Variants in ABCA6 observed in about 807,000 individuals in gnomAD.
ABCA6 encodes the protein ATP binding cassette subfamily A member 6.
In ABCA6, 164 loss-of-function variants were observed where a neutral mutation model predicts 191.2. The observed-to-expected ratio is 0.86, with a 90% CI of 0.76 to 0.98. The LOEUF is 0.98. Among genes scored for constraint, ABCA6 ranks in the 50% least tolerant of loss-of-function variants. The probability of loss-of-function intolerance (pLI) is 0.00; values close to 1 mark genes in which losing one functional copy is unlikely to be tolerated. For missense variants in ABCA6, 1,958 were observed against 1,894.1 expected, an observed-to-expected ratio of 1.03 and a Z score of -0.63; for synonymous variants, 636 against 647.7, an observed-to-expected ratio of 0.98 and a Z score of 0.27.
At chr17:69,121,963 T>C (rs984003169) in intron 10 of ABCA6, among the ~76,000 whole-genome samples, 5 of 152,018 alleles carry the variant, frequency 3.3e-5, no homozygotes, top group Non-Finnish European at 5.9e-5. Context: ...GGTTAAGAAC[T>C]AGATGGAGGA....
Position 69,140,742 on chromosome 17 carries a change from A to C in ABCA6, c.-39T>G. ...TGAAGGAGAAAGTAATCATGGTGGA[A>C]CACAACCTAGAAAAAAATAAGTGTA... On this transcript the variant is annotated 5_prime_UTR_variant, in exon 2 of 39. Transcript: ENST00000284425. The C allele has an allele frequency of 7.3e-7, 1 of 1,379,294 alleles. No homozygotes were observed. Among genetic ancestry groups the C allele is most frequent in the Non-Finnish European group, 9.8e-7 (1 of 1,022,192 alleles). The allele number at this position is 1,379,294 out of a possible 1,614,324, so 85.4% of individuals were successfully genotyped here. A position where few individuals can be genotyped will look rare whatever the true frequency, so the allele number is the denominator to read the frequency against.
intron 18 of ABCA6, among the ~76,000 whole-genome samples, chr17:69,107,254 A>G (rs538664931): frequency 1.3e-5 from 2 of 152,314 alleles, no homozygotes; most frequent in South Asian, 4.1e-4. Context: ...AGTGTCTGGC[A>G]TAAGAGGAGC....
At chr17:69,102,767 T>C in intron 21 of ABCA6, 68 bp downstream of exon 21, 1 of 1,423,162 alleles carries the variant, frequency 7.0e-7, no homozygotes, top group Non-Finnish European at 9.4e-7. Flanking sequence ...CTTTAATTTC[T>C]GCAGTTTTAA....
intron 13 of ABCA6, 106 bp from the exon 14 acceptor site, chr17:69,113,843 G>A (rs1598036325): frequency 1.1e-6 from 1 of 934,904 alleles, no homozygotes; most frequent in Non-Finnish European, 1.6e-6. Flanking sequence ...TCAGAGAAAT[G>A]CAAATCAAAA....
intron 17 of ABCA6, 25 bp from the exon 18 acceptor site, chr17:69,107,837 T>A: frequency 2.8e-6 from 4 of 1,404,768 alleles, no homozygotes; most frequent in Non-Finnish European, 4.0e-6. Flanking sequence ...TATGAATAGA[T>A]ACTTTGGAAA....
At chr17:69,117,094 A>G (rs10512524) in intron 11 of ABCA6, among the ~76,000 whole-genome samples, 7,237 of 152,168 alleles carry the variant, frequency 0.048, 579 homozygotes, top group African/African-American at 0.17. Flanking sequence ...AGAAACCTAG[A>G]GAGAGAATAA....
intron 2 of ABCA6, among the ~76,000 whole-genome samples, chr17:69,138,134 T>C (rs940697223): frequency 6.6e-6 from 1 of 152,150 alleles, no homozygotes; most frequent in Non-Finnish European, 1.5e-5. Context: ...GTCCCACTAT[T>C]TCCTGATCTT....
chr17:69,126,812 T>G (rs955920675), intron 8 of ABCA6, among the ~76,000 whole-genome samples: 1 of 152,074 alleles, frequency 6.6e-6, no homozygotes, highest in Non-Finnish European at 1.5e-5. Context: ...GGCACATAAG[T>G]GTGTGATTAT....
chr17:69,136,062 T>C, intron 4 of ABCA6, 30 bp downstream of exon 4: 1 of 1,596,576 alleles, frequency 6.3e-7, no homozygotes, highest in Non-Finnish European at 8.6e-7. Context: ...CATGAAAAAT[T>C]CCATAATGAT....
chr17:69,112,651 G>C (rs916025372), intron 15 of ABCA6: 1 of 179,684 alleles, frequency 5.6e-6, no homozygotes, highest in African/African-American at 2.4e-5. Context: ...TGAAGACTCG[G>C]AAGGGTGAGA....
At chr17:69,118,266 G>A (rs2073573185) in intron 10 of ABCA6, among the ~76,000 whole-genome samples, 1 of 152,014 alleles carries the variant, frequency 6.6e-6, no homozygotes, top group African/African-American at 2.4e-5. Context: ...CCCTGTTCAA[G>A]ATCAGCTCAT....
intron 16 of ABCA6, 157 bp downstream of exon 16, chr17:69,112,026 C>A: frequency 1.7e-6 from 1 of 592,120 alleles, no homozygotes; most frequent in Admixed American, 2.8e-5. Context: ...TGTAAAGACA[C>A]AGGAGGAAGG....
At chr17:69,140,478 A>T in intron 2 of ABCA6, 130 bp downstream of exon 2, 1 of 445,680 alleles carries the variant, frequency 2.2e-6, no homozygotes, top group Admixed American at 4.3e-5. Flanking sequence ...AATTCAACAA[A>T]TACAACTAGA....
At position 69,107,771 on chromosome 17, in the gene ABCA6, T is replaced by C; in HGVS notation, c.2314A>G (p.Thr772Ala). The C allele has an allele frequency of 6.2e-7, 1 of 1,612,900 alleles. No homozygotes were observed. Among genetic ancestry groups the C allele is most frequent in the Non-Finnish European group, 8.5e-7 (1 of 1,179,380 alleles). The change falls in exon 18 of 39, where the codon ACA (threonine) becomes GCA (alanine). Residue 772 changes from threonine (T) to alanine (A), a missense_variant. Physicochemically the swap from Thr to Ala is moderately conservative, Grantham distance 58 (BLOSUM62 0). Coordinates refer to ENST00000284425, the MANE Select transcript of ABCA6 (RefSeq NM_080284.3). ...GTTGACATGGAAATGTCATAACCTG[T>C]CACTCCCTGGTCAGAACACTTATCC... ...DLDKCSDQGVTGYDISMSTLN... is the reference protein window; with the variant it reads ...DLDKCSDQGVAGYDISMSTLN...
At chr17:69,102,780 C>G (rs927132087) in intron 21 of ABCA6, 55 bp downstream of exon 21, 1 of 1,506,270 alleles carries the variant, frequency 6.6e-7, no homozygotes, top group African/African-American at 1.4e-5. Flanking sequence ...AGTTTTAAAA[C>G]AGCTAAAATG....
At position 69,081,937 on chromosome 17, in the gene ABCA6, G is replaced by A. The variant is rs146673379; in HGVS notation, c.4617-792C>T. ...AATTGATTTGGGGCATCTTGCTTCC[G>A]TGTGCTACTTCTGGCTGTAAACCCT... On this transcript the variant is annotated intron_variant, in intron 36 of 38. Coordinates refer to ENST00000284425, the MANE Select transcript of ABCA6 (RefSeq NM_080284.3). 6.4e-3 allele frequency among the ~76,000 whole-genome samples: 981 copies of A among 152,290 alleles called. 5 individuals carry two copies. The highest frequency in any genetic ancestry group is 8.7e-3 in the Non-Finnish European group (593 of 68,012).
chr17:69,115,093 A>G (rs1450777685), intron 12 of ABCA6, among the ~76,000 whole-genome samples, 156 bp from the exon 13 acceptor site: 1 of 152,164 alleles, frequency 6.6e-6, no homozygotes, highest in African/African-American at 2.4e-5. Context: ...AGAACTGCAT[A>G]TATGTGAACA....
In ABCA6 at chr17:69,079,019, T is replaced by A; in HGVS notation, c.4808A>T (p.Asp1603Val). The change falls in exon 39 of 39, where the codon GAT (aspartate) becomes GTT (valine). Residue 1603 changes from aspartate (D) to valine (V), a missense_variant. Coordinates refer to ENST00000284425, the MANE Select transcript of ABCA6 (RefSeq NM_080284.3). ...GAGGAGTTTCCATCTCATTGTTGTA[T>A]CAATTTCTTCATCAAAATTTCCTAC... The part of the protein sequence containing the change: ...QEVGNFDEEI[D>V]TTMRWKLLPH... The A allele has an allele frequency of 6.2e-7, 1 of 1,612,764 alleles. No individual in the cohort carries two copies. The highest frequency in any genetic ancestry group is 1.3e-5 in the African/African-American group (1 of 75,028).
Position 69,140,712 on chromosome 17 carries a change from T to C in ABCA6, c.-9A>G, listed in dbSNP as rs780805188. On this transcript the variant is annotated 5_prime_UTR_variant, in exon 2 of 39. Transcript: ENST00000284425. ...TTCTGTTTCATATTCATTTAGCCTA[T>C]TCGCTGAAGGAGAAAGTAATCATGG... 6.5e-7 allele frequency: 1 copy of C among 1,541,220 alleles called. No homozygotes were observed. Among genetic ancestry groups the C allele is most frequent in the Non-Finnish European group, 8.8e-7 (1 of 1,142,318 alleles).
Sources: gnomAD v4.1 joint callset for allele counts (sites outside exome capture counted in the v4.1 genomes callset) on GRCh38, gnomAD v4.1.1 for gene constraint, MANE v1.5 for transcripts, NCBI Gene and HGNC (gene_info 2026-07-23, HGNC 2026-07-21) for gene names.